AQP4: variants seen among roughly 807,000 people sequenced by gnomAD.
The protein encoded by AQP4 is aquaporin 4, also known as aquaporin-4.
A neutral mutation model predicts 27.8 loss-of-function variants in AQP4; 18 were observed. The ratio of observed to expected loss-of-function variants is 0.65; its 90% confidence interval spans 0.45 to 0.96. The LOEUF is 0.96. Ranked by LOEUF, AQP4 falls within the 40% of genes least tolerant of loss-of-function variation. The pLI is 0.00. For missense variants in AQP4, 412 were observed against 408.2 expected (o/e 1.01, Z -0.08); for synonymous variants, 141 against 142.9 (o/e 0.99, Z 0.10).
upstream of AQP4, chr18:26,865,764 A>G: frequency 6.3e-7 from 1 of 1,578,178 alleles, no homozygotes; most frequent in Non-Finnish European, 8.7e-7. Flanking sequence ...GATTACGGCC[A>G]CTTGTCTGAT....
chr18:26,856,222 A>G lies in AQP4; in HGVS notation c.961T>C (p.Ser321Pro), dbSNP rs534381952. 3 of 1,614,232 alleles carry G rather than the reference A, an allele frequency of 1.9e-6. No homozygotes were observed. The highest frequency in any genetic ancestry group is 2.5e-6 in the Non-Finnish European group (3 of 1,180,048). Residue 321 changes from serine (S) to proline (P), a missense_variant, in exon 5 of 5, where the codon TCT becomes CCT. Physicochemically the swap from Ser to Pro is moderately conservative, Grantham distance 74. Transcript: ENST00000383168. The part of the protein sequence containing the change: ...KGKDQSGEVL[S>P]SV ...GTGCGATCTTCTAGTCATACTGAAG[A>G]CAATACCTCTCCAGATTGGTCTTTC...
chr18:26,862,020 A>G lies in AQP4; in HGVS notation c.447+162T>C, dbSNP rs549517180. 5.0e-4 allele frequency: 413 copies of G among 823,532 alleles called. 1 individual carries two copies. The African/African-American group carries it at 5.6e-3, about 11-fold the overall frequency. 51.0% of individuals were successfully genotyped at this position (823,532 alleles called of 1,614,324 possible). ...ACAATGATTTCTTACAGATATACCT[A>G]AATACTGCCAGAATCAGTTTTCACA... On this transcript the variant is annotated intron_variant, in intron 2 of 4. Coordinates refer to ENST00000383168, the MANE Select transcript of AQP4 (RefSeq NM_001650.7).
At position 26,856,020 on chromosome 18, in the gene AQP4, G is replaced by T; in HGVS notation, c.*191C>A. ...AAAAATATTTCTTTTTTTAGATTTG[G>T]AATTCACAATAGGTTTCTTCCGTTC... On this transcript the variant is annotated 3_prime_UTR_variant, in exon 5 of 5. Transcript: ENST00000383168. 1 of 685,652 alleles carries T rather than the reference G, an allele frequency of 1.5e-6. No individual in the cohort carries two copies. Among genetic ancestry groups the T allele is most frequent in the Non-Finnish European group, 2.4e-6 (1 of 417,418 alleles). The allele number at this position is 685,652 out of a possible 1,614,324, so 42.5% of individuals were successfully genotyped here.
At chr18:26,865,779 T>C, upstream of AQP4, 1 of 1,510,424 alleles carries the variant, frequency 6.6e-7, no homozygotes, top group Non-Finnish European at 9.2e-7. Context: ...TCTGATTGGG[T>C]TTTTGGAGTG....
At chr18:26,856,759 C>T (rs930860063) in intron 4 of AQP4, among the ~76,000 whole-genome samples, 4 of 152,120 alleles carry the variant, frequency 2.6e-5, no homozygotes, top group Admixed American at 6.5e-5. Context: ...TTATGATAAT[C>T]GTTAATGTAA....
intron 4 of AQP4, among the ~76,000 whole-genome samples, chr18:26,860,308 AAG>A (rs1412397036): frequency 9.9e-5 from 15 of 152,244 alleles, no homozygotes; most frequent in African/African-American, 3.4e-4. Flanking sequence ...TAAACAAAAA[AAG>A]GGTAAATATC....
chr18:26,857,156 G>A (rs141697671), intron 4 of AQP4, among the ~76,000 whole-genome samples: 1 of 152,022 alleles, frequency 6.6e-6, no homozygotes, highest in East Asian at 1.9e-4. Flanking sequence ...TCCATTCCAG[G>A]CTTCCAAAAT....
intron 1 of AQP4, among the ~76,000 whole-genome samples, chr18:26,863,565 C>A (rs761468166): frequency 6.6e-6 from 1 of 152,144 alleles, no homozygotes; most frequent in Non-Finnish European, 1.5e-5. Context: ...TCGTGCCCGA[C>A]CCTCTCTCAC....
At chr18:26,860,992 T>C (rs2054931595) in intron 3 of AQP4, 139 bp downstream of exon 3, 2 of 1,388,698 alleles carry the variant, frequency 1.4e-6, no homozygotes, top group Non-Finnish European at 2.0e-6. Flanking sequence ...CATTGAGCAG[T>C]TGGAAAAATT....
chr18:26,852,732 A>G lies in AQP4; in HGVS notation c.*3479T>C. 1 of 398,150 alleles carries G rather than the reference A, an allele frequency of 2.5e-6. No individual in the cohort carries two copies. Among genetic ancestry groups the G allele is most frequent in the Non-Finnish European group, 4.4e-6 (1 of 225,720 alleles). The allele number at this position is 398,150 out of a possible 1,614,324, so 24.7% of individuals were successfully genotyped here. On this transcript the variant is annotated 3_prime_UTR_variant, in exon 5 of 5. Transcript: ENST00000383168. ...TCTTCCTACTAATTTTCATGTTAAA[A>G]ACACTTTAGGAAAGACAGAATTACT...
intron 4 of AQP4, among the ~76,000 whole-genome samples, chr18:26,856,951 A>T (rs984990039): frequency 1.3e-5 from 2 of 152,228 alleles, no homozygotes; most frequent in Non-Finnish European, 2.9e-5. Flanking sequence ...TTATTCAGGT[A>T]AGCATGATCA....
At chr18:26,858,442 C>T (rs751827689) in intron 4 of AQP4, among the ~76,000 whole-genome samples, 3 of 152,188 alleles carry the variant, frequency 2.0e-5, no homozygotes, top group Non-Finnish European at 2.9e-5. Context: ...TTTGCATCCT[C>T]ATTGTAAGAT....
In AQP4 at chr18:26,862,205, C is replaced by T. The variant is rs1353386405; in HGVS notation, c.424G>A (p.Val142Met). ...ILYLVTPPSV[V>M]GGLGVTMVHG... ...ACCATGGTGACTCCCAGGCCTCCCA[C>T]CACACTGGGAGGTGTGACCAGATAG... Residue 142 changes from valine (V) to methionine (M), a missense_variant, in exon 2 of 5, where the codon GTG (valine) becomes ATG (methionine). Physicochemically the swap from Val to Met is conservative, Grantham distance 21. Coordinates refer to ENST00000383168, the MANE Select transcript of AQP4 (RefSeq NM_001650.7). 1.2e-6 allele frequency: 2 copies of T among 1,614,164 alleles called. No individual in the cohort carries two copies. The highest frequency in any genetic ancestry group is 1.7e-5 in the Admixed American group (1 of 60,020).
intron 4 of AQP4, 58 bp downstream of exon 4, chr18:26,860,714 C>T: frequency 7.0e-7 from 1 of 1,423,988 alleles, no homozygotes. Context: ...AATAAAAGAG[C>T]CCCACAGGTA....
Position 26,853,032 on chromosome 18 carries a change from G to T in AQP4, c.*3179C>A, listed in dbSNP as rs2054778268. On this transcript the variant is annotated 3_prime_UTR_variant, in exon 5 of 5. Transcript: ENST00000383168. Reference sequence around the variant, plus strand: ...GTTTAAACCAATACATGTGTTGTCTGGTTTCATGGTCTGAGAACAGTATTC... The same window carrying T: ...GTTTAAACCAATACATGTGTTGTCTTGTTTCATGGTCTGAGAACAGTATTC... 2 of 396,460 alleles carry T rather than the reference G, an allele frequency of 5.0e-6. No homozygotes were observed. Among genetic ancestry groups the T allele is most frequent in the Non-Finnish European group, 8.9e-6 (2 of 225,128 alleles). The allele number at this position is 396,460 out of a possible 1,614,324, so 24.6% of individuals were successfully genotyped here. A position where few individuals can be genotyped will look rare whatever the true frequency, so the allele number is the denominator to read the frequency against.
At chr18:26,856,541 T>C (rs762589857) in intron 4 of AQP4, 52 bp from the exon 5 acceptor site, 5 of 1,590,606 alleles carry the variant, frequency 3.1e-6, no homozygotes, top group African/African-American at 1.3e-5. Context: ...AGCTATTCCA[T>C]TGAGCAGCTC....
At chr18:26,863,943 A>C (rs1261629851) in intron 1 of AQP4, among the ~76,000 whole-genome samples, 1 of 151,220 alleles carries the variant, frequency 6.6e-6, no homozygotes, top group Non-Finnish European at 1.5e-5. Context: ...TGGTTTGACG[A>C]TATTGATGCC....
Position 26,865,690 on chromosome 18 carries a change from G to GTGA in AQP4, c.-2_-1insTCA. 1.2e-6 allele frequency: 2 copies of GTGA among 1,614,196 alleles called. No homozygotes were observed. The highest frequency in any genetic ancestry group is 4.5e-5 in the East Asian group (2 of 44,866). On this transcript the variant is annotated 5_prime_UTR_variant, in exon 1 of 5. Coordinates refer to ENST00000383168, the MANE Select transcript of AQP4 (RefSeq NM_001650.7). The stretch of plus-strand genomic sequence containing the variant: ...GCCTTGCTGTGGGTCTGTCACTCAT[G>GTGA]CCTTCCCCAGCCAGAGTGCAGCTCT...
chr18:26,856,405 G>A lies in AQP4; in HGVS notation c.778C>T (p.Arg260Cys), dbSNP rs201862553. 44 of 1,614,148 alleles carry A rather than the reference G, an allele frequency of 2.7e-5. No individual in the cohort carries two copies. The Admixed American group carries it at 3.2e-4, about 12-fold the overall frequency. ...TTGCTGAAGGCTTCTTTAAAACGAC[G>A]TTTGAATTCAACATCTGGACAGAAG... is the stretch of plus-strand genomic sequence containing the variant. ...YVFCPDVEFK[R>C]RFKEAFSKAA... is the part of the protein sequence containing the mutation. The change falls in exon 5 of 5, where the codon CGT becomes TGT. Residue 260 changes from arginine to cysteine, a missense_variant. Arg to Cys is a radical substitution (Grantham distance 180, BLOSUM62 -3). Coordinates refer to ENST00000383168, the MANE Select transcript of AQP4 (RefSeq NM_001650.7).
Sources: gnomAD v4.1 joint callset for allele counts (sites outside exome capture counted in the v4.1 genomes callset) on GRCh38, gnomAD v4.1.1 for gene constraint, MANE v1.5 for transcripts, NCBI Gene and HGNC (gene_info 2026-07-23, HGNC 2026-07-21) for gene names.